Variants in ENOSF1 observed in about 807,000 individuals in gnomAD.
The protein encoded by ENOSF1 is mitochondrial enolase superfamily member 1.
In ENOSF1, 73 loss-of-function variants were observed where a neutral mutation model predicts 68.2. The ratio of observed to expected loss-of-function variants is 1.07; its 90% CI spans 0.89 to 1.30. ENOSF1 has a LOEUF of 1.30. Ranked by LOEUF, ENOSF1 falls within the 50% of genes most tolerant of loss-of-function variation. The pLI is 0.00. For synonymous variants in ENOSF1, 223 were observed against 210.4 expected (o/e 1.06, Z -0.52); for missense variants, 589 against 554.5 (o/e 1.06, Z -0.62).
In ENOSF1 at chr18:674,153, A is replaced by ATAAT; in HGVS notation, c.*148_*151dup. ...ATTGATTTGCTAAAAGAATCAAGTA[A>ATAAT]TAATTACTTAGCTGATTCCTGAGGG... On this transcript the variant is annotated 3_prime_UTR_variant, in exon 16 of 16. Transcript: ENST00000647584. 1.6e-6 allele frequency: 1 copy of ATAAT among 610,882 alleles called. No homozygotes were observed. The highest frequency in any genetic ancestry group is 2.9e-6 in the Non-Finnish European group (1 of 344,872). 37.8% of individuals were successfully genotyped at this position (610,882 alleles called of 1,614,324 possible).
intron 10 of ENOSF1, among the ~76,000 whole-genome samples, chr18:684,926 T>C (rs771562721): frequency 9.9e-5 from 15 of 152,228 alleles, no homozygotes; most frequent in East Asian, 1.9e-4. Context: ...AGTGGTATTA[T>C]TGTAGCTCAC....
intron 12 of ENOSF1, 42 bp from the exon 13 acceptor site, chr18:677,914 C>T (rs368450348): frequency 2.5e-6 from 4 of 1,594,494 alleles, no homozygotes; most frequent in African/African-American, 2.7e-5. Context: ...AAGAGTCAGC[C>T]TTGGCCTTCA....
Position 690,582 on chromosome 18 carries a change from G to A in ENOSF1, c.585C>T (p.Ala195=). The A allele has an allele frequency of 6.2e-7, 1 of 1,614,108 alleles. No individual in the cohort carries two copies. Among genetic ancestry groups the A allele is most frequent in the Non-Finnish European group, 8.5e-7 (1 of 1,180,046 alleles). ...ACGTGTCATCTGAGTACCCCAGCCA[G>A]GCGCACGATGTCGTGTAAGCAGGGT... is the stretch of plus-strand genomic sequence containing the variant. The part of the protein sequence containing the change: ...QGYPAYTTSC[A]WLGYSDDTLK... Residue 195 remains alanine (A), a synonymous_variant, in exon 8 of 16, where the codon GCC becomes GCT. Transcript: ENST00000647584.
chr18:666,650 G>C (rs577831867), downstream of ENOSF1, among the ~76,000 whole-genome samples: 1 of 152,306 alleles, frequency 6.6e-6, no homozygotes, highest in South Asian at 2.1e-4. Context: ...AGGAATTTGG[G>C]CCTGGTGATG....
At position 670,479 on chromosome 18, in the gene ENOSF1, G is replaced by A; in HGVS notation, c.*3826C>T. The A allele has an allele frequency of 1.8e-6, 1 of 556,306 alleles. No homozygotes were observed. Among genetic ancestry groups the A allele is most frequent in the Non-Finnish European group, 3.2e-6 (1 of 313,604 alleles). 34.5% of individuals were successfully genotyped at this position (556,306 alleles called of 1,614,324 possible). On this transcript the variant is annotated 3_prime_UTR_variant, in exon 16 of 16. Transcript: ENST00000647584. ...GAAGAGCATTGCTTCAGCCGTAAAT[G>A]GACACCTGCAGAAACCTTGCACCGA...
intron 11 of ENOSF1, 115 bp from the exon 12 acceptor site, chr18:678,852 A>C: frequency 9.3e-7 from 1 of 1,079,744 alleles, no homozygotes; most frequent in African/African-American, 1.5e-5. Context: ...AGCCATGTGA[A>C]GGCTCAAGAC....
Position 680,240 on chromosome 18 carries a change from G to A in ENOSF1, c.877-1503C>T, listed in dbSNP as rs138451447. On this transcript the variant is annotated intron_variant, in intron 11 of 15. Transcript: ENST00000647584. ...CCCCGCCTGTGCCACCCAAAGCCTC[G>A]GCCTCCTCATCTGCAGAAGGCCTTA... Among the ~76,000 whole-genome samples, 59 of 152,290 alleles carry A rather than the reference G, an allele frequency of 3.9e-4. No individual in the cohort carries two copies. The East Asian group carries it at 4.6e-3, about 12-fold the overall frequency.
intron 8 of ENOSF1, among the ~76,000 whole-genome samples, chr18:689,289 G>T (rs1490048035): frequency 6.6e-6 from 1 of 152,118 alleles, no homozygotes; most frequent in South Asian, 2.1e-4. Context: ...TAATTTTTTT[G>T]TTGTTTTTTG....
intron 1 of ENOSF1, among the ~76,000 whole-genome samples, chr18:710,078 G>A (rs2079348039): frequency 6.6e-6 from 1 of 152,144 alleles, no homozygotes; most frequent in Non-Finnish European, 1.5e-5. Context: ...CAGGCCCAGA[G>A]GCAAATTCCA....
chr18:671,377 T>C lies in ENOSF1; in HGVS notation c.*2928A>G, dbSNP rs762878036. On this transcript the variant is annotated 3_prime_UTR_variant, in exon 16 of 16. Transcript: ENST00000647584. ...TGTTCTGCTTTCTCCCCCGGGTTTA[T>C]AGCCAGGTGACTTTATACACACTTT... 1.9e-6 allele frequency: 3 copies of C among 1,604,230 alleles called. No individual in the cohort carries two copies. Among genetic ancestry groups the C allele is most frequent in the East Asian group, 2.2e-5 (1 of 44,868 alleles).
At chr18:668,144 T>C (rs569450952), downstream of ENOSF1, among the ~76,000 whole-genome samples, 1 of 152,164 alleles carries the variant, frequency 6.6e-6, no homozygotes, top group Non-Finnish European at 1.5e-5. Context: ...CGTGCACTTG[T>C]GTATGTGTGT....
chr18:706,795 A>G (rs1263385388), intron 1 of ENOSF1: 1 of 190,982 alleles, frequency 5.2e-6, no homozygotes, highest in Non-Finnish European at 9.2e-6. Flanking sequence ...AACAAGAGCA[A>G]TGTATGTATA....
intron 1 of ENOSF1, among the ~76,000 whole-genome samples, chr18:710,640 A>G (rs2079413928): frequency 6.6e-6 from 1 of 152,216 alleles, no homozygotes; most frequent in Non-Finnish European, 1.5e-5. Flanking sequence ...GCCTCCACTT[A>G]GGATTAGAGG....
chr18:695,558 A>ATGG (rs5822575), intron 3 of ENOSF1, among the ~76,000 whole-genome samples: 49,819 of 151,776 alleles, frequency 0.33, 8,472 homozygotes, highest in Non-Finnish European at 0.37. Context: ...ATCAGCTGTA[A>ATGG]TGGGCTTGAC....
At position 690,841 on chromosome 18, in the gene ENOSF1, A is replaced by G. The variant is rs908638959; in HGVS notation, c.536-210T>C. ...GCCCTGCTCCCCCAGGGCTCTCCCTACAGTGTAATCCTAAAGCCAAACTTC... is the reference window on the plus strand; with the variant it reads ...GCCCTGCTCCCCCAGGGCTCTCCCTGCAGTGTAATCCTAAAGCCAAACTTC... On this transcript the variant is annotated intron_variant, in intron 7 of 15. Transcript: ENST00000647584. 18 of 1,419,126 alleles carry G rather than the reference A, an allele frequency of 1.3e-5. 1 individual carries two copies. Among genetic ancestry groups the G allele is most frequent in the Admixed American group, 7.9e-5 (3 of 38,082 alleles). 87.9% of individuals were successfully genotyped at this position (1,419,126 alleles called of 1,614,324 possible). A position where few individuals can be genotyped will look rare whatever the true frequency, so the allele number is the denominator to read the frequency against.
At chr18:686,113 T>C (rs1175648600) in intron 9 of ENOSF1, 105 bp from the exon 10 acceptor site, 2 of 805,058 alleles carry the variant, frequency 2.5e-6, no homozygotes, top group Non-Finnish European at 2.2e-6. Flanking sequence ...TTCACAGATA[T>C]GTTTTTTAGT....
At chr18:689,774 G>T (rs544877058) in intron 8 of ENOSF1, among the ~76,000 whole-genome samples, 1 of 151,822 alleles carries the variant, frequency 6.6e-6, no homozygotes, top group Admixed American at 6.5e-5. Flanking sequence ...TCTTTTGTAC[G>T]TGAACGAGAG....
intron 11 of ENOSF1, among the ~76,000 whole-genome samples, chr18:680,415 A>G (rs2075961246): frequency 1.3e-5 from 2 of 152,184 alleles, no homozygotes. Flanking sequence ...CATTTGACTT[A>G]TTTGTTCTAC....
chr18:667,215 A>AGATGGT (rs1229328111), downstream of ENOSF1, among the ~76,000 whole-genome samples: 6 of 25,386 alleles, frequency 2.4e-4, 1 homozygote, highest in African/African-American at 1.8e-3. Flanking sequence ...ATGGTGATGG[A>AGATGGT]GATGGTGATG....
Sources: gnomAD v4.1 joint callset for allele counts (sites outside exome capture counted in the v4.1 genomes callset) on GRCh38, gnomAD v4.1.1 for gene constraint, MANE v1.5 for transcripts, NCBI Gene and HGNC (gene_info 2026-07-23, HGNC 2026-07-21) for gene names.